Variants in NRDE2 observed in about 807,000 individuals in gnomAD.
NRDE2 encodes the protein nuclear exosome regulator NRDE2.
Under a neutral mutation model 124.2 loss-of-function variants are expected in NRDE2, and 76 were observed. That is an observed-to-expected ratio of 0.61 (90% CI 0.51 to 0.74). The LOEUF (loss-of-function observed/expected upper bound fraction) is 0.74, where lower values mean the gene tolerates loss of function less well. Among genes scored for constraint, NRDE2 ranks in the 30% least tolerant of loss-of-function variants. The pLI is 0.00. For missense variants in NRDE2, 1,314 were observed against 1,417.3 expected (o/e 0.93, Z 1.17); for synonymous variants, 489 against 528.1 (o/e 0.93, Z 1.01).
At chr14:90,278,980 CAGGCCGGGA>C in intron 13 of NRDE2, 73 bp downstream of exon 13, 1 of 972,456 alleles carries the variant, frequency 1.0e-6, no homozygotes, top group Non-Finnish European at 1.7e-6. Flanking sequence ...TGCCGCGGGG[CAGGCCGGGA>C]AGACACTAGC....
intron 1 of NRDE2, among the ~76,000 whole-genome samples, chr14:90,323,110 C>T (rs1345180919): frequency 6.6e-6 from 1 of 152,108 alleles, no homozygotes. Context: ...AAACATCAGG[C>T]AGAAAAACCA....
At chr14:90,286,189 C>T (rs1480930604) in intron 12 of NRDE2, among the ~76,000 whole-genome samples, 165 bp downstream of exon 12, 1 of 152,156 alleles carries the variant, frequency 6.6e-6, no homozygotes, top group African/African-American at 2.4e-5. Context: ...GACATTATTC[C>T]ATCAGGATTT....
At chr14:90,316,048 T>C (rs946281866) in intron 3 of NRDE2, among the ~76,000 whole-genome samples, 10 of 151,728 alleles carry the variant, frequency 6.6e-5, no homozygotes, top group Admixed American at 2.0e-4. Flanking sequence ...AATCATGAGC[T>C]GTTTTCCACT....
chr14:90,305,671 T>C (rs561719055), intron 4 of NRDE2, among the ~76,000 whole-genome samples: 12 of 152,184 alleles, frequency 7.9e-5, no homozygotes, highest in South Asian at 2.1e-4. Context: ...AGAAGCCAGA[T>C]ACAAAAGAGT....
chr14:90,312,254 T>C (rs1254264078), intron 4 of NRDE2, 140 bp downstream of exon 4: 2 of 705,346 alleles, frequency 2.8e-6, no homozygotes, highest in Non-Finnish European at 4.7e-6. Flanking sequence ...AGATGAGACA[T>C]GTGCCTGAAC....
intron 3 of NRDE2, among the ~76,000 whole-genome samples, chr14:90,314,547 C>T (rs1034228939): frequency 1.3e-5 from 2 of 152,160 alleles, no homozygotes; most frequent in Non-Finnish European, 2.9e-5. Flanking sequence ...CCTTCAAGTT[C>T]TAAAGATAGT....
chr14:90,276,418 A>AT lies in NRDE2; in HGVS notation c.*1917_*1918insA, dbSNP rs1421727017. The AT allele has an allele frequency of 2.0e-5, 3 of 151,794 alleles. No homozygotes were observed. The highest frequency in any genetic ancestry group is 2.9e-5 in the Non-Finnish European group (2 of 68,014). The allele number at this position is 151,794 out of a possible 1,614,324, so 9.4% of individuals were successfully genotyped here. A position where few individuals can be genotyped will look rare whatever the true frequency, so the allele number is the denominator to read the frequency against. ...TATTTTTAGTAGAGACGGGGGTTTC[A>AT]CCATGTTAGCCAGGATGGTCTCGAT... On this transcript the variant is annotated 3_prime_UTR_variant, in exon 14 of 14. Transcript: ENST00000354366.
At position 90,290,174 on chromosome 14, in the gene NRDE2, C is replaced by T. The variant is rs201253993; in HGVS notation, c.2229+47G>A. 2.2e-4 allele frequency: 352 copies of T among 1,583,592 alleles called. 3 individuals are homozygous for T. In the South Asian group the frequency reaches 3.7e-3, roughly 17 times the overall value. The stretch of plus-strand genomic sequence containing the variant: ...TTACAATCCCGTTTATAAACACTGA[C>T]ATGAAATGAAAAGTCCCCAAACATG... On this transcript the variant is annotated intron_variant, in intron 10 of 13. Coordinates refer to ENST00000354366, the MANE Select transcript of NRDE2 (RefSeq NM_017970.4).
intron 10 of NRDE2, among the ~76,000 whole-genome samples, chr14:90,289,831 G>A (rs1188515000): frequency 6.6e-6 from 1 of 152,132 alleles, no homozygotes; most frequent in African/African-American, 2.4e-5. Context: ...CAGGTGATCC[G>A]CCCGCCTCGG....
chr14:90,316,898 A>G (rs927665686), intron 2 of NRDE2, 87 bp from the exon 3 acceptor site: 1 of 866,150 alleles, frequency 1.2e-6, no homozygotes, highest in Non-Finnish European at 1.8e-6. Flanking sequence ...AATATTTAAG[A>G]TGGAACTATA....
At position 90,275,782 on chromosome 14, in the gene NRDE2, GGC is replaced by G. The variant is rs1248973953; in HGVS notation, c.*2552_*2553del. 2.4e-4 allele frequency: 37 copies of G among 152,350 alleles called. 1 individual carries two copies. Among genetic ancestry groups the G allele is most frequent in the African/African-American group, 7.9e-4 (33 of 41,580 alleles). 9.4% of individuals were successfully genotyped at this position (152,350 alleles called of 1,614,324 possible). ...CCCGTCTGCCTGCGGAAAACCCACT[GGC>G]TCTTTGGAGCCCTTCCTCAGTAGAA... On this transcript the variant is annotated 3_prime_UTR_variant, in exon 14 of 14. Transcript: ENST00000354366.
Position 90,318,085 on chromosome 14 carries a change from A to G in NRDE2, c.93T>C (p.Phe31=). The change falls in exon 2 of 14, where the codon TTT becomes TTC. Residue 31 remains phenylalanine, a synonymous_variant. Transcript: ENST00000354366. ...TCAGGGACGTTATGGATCCAACACA[A>G]AAGCTTGGGTTGCTCAGCCAGTCTA... The part of the protein sequence containing the change: ...KELDWLSNPS[F]CVGSITSLSQ... The G allele has an allele frequency of 1.2e-6, 2 of 1,614,140 alleles. No individual in the cohort carries two copies. Among genetic ancestry groups the G allele is most frequent in the Non-Finnish European group, 1.7e-6 (2 of 1,179,998 alleles).
Position 90,288,526 on chromosome 14 carries a change from C to T in NRDE2, c.2849G>A (p.Ser950Asn), listed in dbSNP as rs759714934. Residue 950 changes from serine (S) to asparagine (N), a missense_variant, in exon 11 of 14, where the codon AGC becomes AAC. By Grantham distance (46) the Ser-to-Asn change is conservative. Transcript: ENST00000354366. ...GAGAACACTGGTCCAACTCTGGGAGCTGGCACTGTCCCCCTCGCCAGAGCC... is the reference window on the plus strand; with the variant it reads ...GAGAACACTGGTCCAACTCTGGGAGTTGGCACTGTCCCCCTCGCCAGAGCC... ...PEGSGEGDSA[S>N]SQSWTSVLEA... 1.2e-6 allele frequency: 2 copies of T among 1,614,208 alleles called. No individual in the cohort carries two copies. The highest frequency in any genetic ancestry group is 4.5e-5 in the East Asian group (2 of 44,884).
intron 4 of NRDE2, among the ~76,000 whole-genome samples, chr14:90,306,764 C>G (rs1884617804): frequency 6.6e-6 from 1 of 150,496 alleles, no homozygotes; most frequent in African/African-American, 2.4e-5. Flanking sequence ...GAGCCGGGCT[C>G]AAGCCACTGC....
At chr14:90,287,831 G>A (rs139071606) in intron 11 of NRDE2, among the ~76,000 whole-genome samples, 17 of 152,212 alleles carry the variant, frequency 1.1e-4, no homozygotes, top group Non-Finnish European at 2.4e-4. Context: ...TGGCCTGCTC[G>A]AGTTCACCCA....
At chr14:90,288,137 A>G in intron 11 of NRDE2, 80 bp downstream of exon 11, 2 of 1,333,298 alleles carry the variant, frequency 1.5e-6, no homozygotes, top group Non-Finnish European at 2.1e-6. Context: ...TGTCTTCCTG[A>G]GACCCAGCAA....
Position 90,278,072 on chromosome 14 carries a change from G to A in NRDE2, c.*264C>T, listed in dbSNP as rs761422600. The A allele has an allele frequency of 1.8e-5, 6 of 329,052 alleles. No individual in the cohort carries two copies. The East Asian group carries it at 2.3e-4, about 13-fold the overall frequency. The allele number at this position is 329,052 out of a possible 1,614,324, so 20.4% of individuals were successfully genotyped here. A position where few individuals can be genotyped will look rare whatever the true frequency, so the allele number is the denominator to read the frequency against. ...ACGCTGCCACGCCTCAATCATCATC[G>A]GTTTAATGACCACGTGGCATGACTC... On this transcript the variant is annotated 3_prime_UTR_variant, in exon 14 of 14. Transcript: ENST00000354366.
At chr14:90,287,579 C>T (rs1892142928) in intron 11 of NRDE2, among the ~76,000 whole-genome samples, 1 of 152,102 alleles carries the variant, frequency 6.6e-6, no homozygotes, top group Non-Finnish European at 1.5e-5. Flanking sequence ...TGAGACTGCA[C>T]CACTGCACTC....
At chr14:90,281,384 A>G (rs115026813) in intron 12 of NRDE2, 27,818 of 152,510 alleles carry the variant, frequency 0.18, 2,610 homozygotes, top group South Asian at 0.21. Flanking sequence ...ACTGCATTCC[A>G]GCCTGCATGA....
Sources: gnomAD v4.1 joint callset for allele counts (sites outside exome capture counted in the v4.1 genomes callset) on GRCh38, gnomAD v4.1.1 for gene constraint, MANE v1.5 for transcripts, NCBI Gene and HGNC (gene_info 2026-07-23, HGNC 2026-07-21) for gene names.